The following CAMSAP1 variants were observed in gnomAD, a reference collection of about 807,000 sequenced individuals.
CAMSAP1 encodes the protein calmodulin regulated spectrin associated protein 1, also known as calmodulin-regulated spectrin-associated protein 1.
In CAMSAP1, 58 loss-of-function variants were observed where a neutral mutation model predicts 143.5. That is an observed-to-expected ratio of 0.40 (90% CI 0.33 to 0.50). CAMSAP1 has a LOEUF of 0.50. Ranked by LOEUF, CAMSAP1 falls within the 20% of genes least tolerant of loss-of-function variation. The pLI, the probability that CAMSAP1 is intolerant of heterozygous loss-of-function variation, is 0.45. For missense variants in CAMSAP1, 1,969 were observed against 2,115.7 expected, an observed-to-expected ratio of 0.93 and a Z score of 1.36; for synonymous variants, 945 against 859.3, an observed-to-expected ratio of 1.10 and a Z score of -1.74.
At chr9:135,846,896 G>A (rs572642649) in intron 7 of CAMSAP1, among the ~76,000 whole-genome samples, 6 of 152,132 alleles carry the variant, frequency 3.9e-5, no homozygotes, top group Non-Finnish European at 5.9e-5. Flanking sequence ...TGCTAGAGAG[G>A]ATATGGAGAA....
Position 135,818,632 on chromosome 9 carries a change from G to C in CAMSAP1, c.3960-16C>G, listed in dbSNP as rs754981194. 1 of 1,609,048 alleles carries C rather than the reference G, an allele frequency of 6.2e-7. No homozygotes were observed. Among genetic ancestry groups the C allele is most frequent in the African/African-American group, 1.3e-5 (1 of 74,860 alleles). ...AGCTTTGCGCCTGAGAGAAACACAC[G>C]CCCAGACACTGCTCGGTCACGGGGC... On this transcript the variant is annotated splice_polypyrimidine_tract_variant and intron_variant, in intron 12 of 16. Coordinates refer to ENST00000389532, the MANE Select transcript of CAMSAP1 (RefSeq NM_015447.4). The surrounding 1 kb of genome is among the most constrained non-coding windows in gnomAD (Gnocchi z 7.7).
At chr9:135,883,815 A>G (rs1018080899) in intron 1 of CAMSAP1, among the ~76,000 whole-genome samples, 3 of 152,228 alleles carry the variant, frequency 2.0e-5, no homozygotes, top group Non-Finnish European at 4.4e-5. Flanking sequence ...CAGAGAAAGT[A>G]AGTGCTCAAG....
At chr9:135,817,494 C>T (rs951867238) in intron 14 of CAMSAP1, among the ~76,000 whole-genome samples, 3 of 152,014 alleles carry the variant, frequency 2.0e-5, no homozygotes, top group Admixed American at 6.6e-5. Context: ...TGGGCTCAAG[C>T]GATACTACCA....
chr9:135,829,884 T>TAAATA (rs1835797705), intron 7 of CAMSAP1, among the ~76,000 whole-genome samples: 1 of 151,146 alleles, frequency 6.6e-6, no homozygotes, highest in Non-Finnish European at 1.5e-5. Context: ...AATAAATAAA[T>TAAATA]AAATAACAAT....
Position 135,818,411 on chromosome 9 carries a change from T to C in CAMSAP1, c.4165A>G (p.Thr1389Ala). Residue 1389 changes from threonine (T) to alanine (A), a missense_variant, in exon 13 of 17, where the codon ACC (threonine) becomes GCC (alanine). Physicochemically the swap from Thr to Ala is moderately conservative, Grantham distance 58. Transcript: ENST00000389532. This position sits in a 1 kb window ranked among gnomAD's most constrained non-coding sequence, Gnocchi z 7.7. ...CSDSGTKCSS[T>A]PDNLSRTQSG... ...CGTGAGGGCCGGGGCTGCTTACGGG[T>C]GGAGGAGCACTTGGTGCCGGAGTCG... is the stretch of plus-strand genomic sequence containing the variant. The C allele has an allele frequency of 6.3e-7, 1 of 1,577,184 alleles. No homozygotes were observed. Among genetic ancestry groups the C allele is most frequent in the Non-Finnish European group, 8.6e-7 (1 of 1,167,598 alleles).
At position 135,882,717 on chromosome 9, in the gene CAMSAP1, C is replaced by T. The variant is rs1007626907; in HGVS notation, c.423+99G>A. 90 of 1,397,498 alleles carry T rather than the reference C, an allele frequency of 6.4e-5. No homozygotes were observed. Among genetic ancestry groups the T allele is most frequent in the East Asian group, 2.5e-4 (10 of 39,882 alleles). The allele number at this position is 1,397,498 out of a possible 1,614,324, so 86.6% of individuals were successfully genotyped here. On this transcript the variant is annotated intron_variant, in intron 2 of 16. Transcript: ENST00000389532. This position sits in a 1 kb window ranked among gnomAD's most constrained non-coding sequence, Gnocchi z 4.9. ...AAAGCACGGGTCTCCACCACCTCGC[C>T]GCACACCGTGTTCACACCATCCATG...
rs151019432 is a variant in CAMSAP1 at position 135,880,145 on chromosome 9, G to A, written c.585+1488C>T. Among the ~76,000 whole-genome samples the A allele has an allele frequency of 1.9e-4, 29 of 152,198 alleles. 1 individual carries two copies. In the East Asian group the frequency reaches 4.8e-3, roughly 25 times the overall value. On this transcript the variant is annotated intron_variant, in intron 3 of 16. Coordinates refer to ENST00000389532, the MANE Select transcript of CAMSAP1 (RefSeq NM_015447.4). The stretch of plus-strand genomic sequence containing the variant: ...AATCAATAAAAGATATTAAAGAAAA[G>A]CTAAAATTTGACTTTTGATCACAGG...
Position 135,811,139 on chromosome 9 carries a change from T to G in CAMSAP1, c.*170A>C. 1.3e-6 allele frequency: 1 copy of G among 750,874 alleles called. No homozygotes were observed. The highest frequency in any genetic ancestry group is 2.9e-5 in the Admixed American group (1 of 33,916). The allele number at this position is 750,874 out of a possible 1,614,324, so 46.5% of individuals were successfully genotyped here. On this transcript the variant is annotated 3_prime_UTR_variant, in exon 17 of 17. Transcript: ENST00000389532. This position sits in a 1 kb window ranked among gnomAD's most constrained non-coding sequence, Gnocchi z 4.9. ...CGTGAGATGAGCGCTGAGAGAGGGG[T>G]TTTCTTCTGCTGTCTAGAAACCTCT...
At chr9:135,906,903 C>T in intron 1 of CAMSAP1, 97 bp downstream of exon 1, 1 of 733,366 alleles carries the variant, frequency 1.4e-6, no homozygotes, top group Non-Finnish European at 1.7e-6. Flanking sequence ...GGCACAAAGG[C>T]GCGGCGCGCG....
chr9:135,837,950 C>T (rs982293043), intron 7 of CAMSAP1, among the ~76,000 whole-genome samples: 4 of 150,164 alleles, frequency 2.7e-5, no homozygotes, highest in African/African-American at 9.8e-5. Context: ...CATCATCACA[C>T]GCTTTCTACC....
chr9:135,897,311 A>G (rs57083374), intron 1 of CAMSAP1, among the ~76,000 whole-genome samples: 6,312 of 150,130 alleles, frequency 0.042, 439 homozygotes, highest in African/African-American at 0.15. Flanking sequence ...CAGCCACCAC[A>G]CCCAGCTAAT....
chr9:135,861,382 G>A (rs186423416), intron 5 of CAMSAP1, among the ~76,000 whole-genome samples: 176 of 149,120 alleles, frequency 1.2e-3, no homozygotes, highest in African/African-American at 4.0e-3. Context: ...GTGCAATCTC[G>A]GCTCACCACA....
intron 1 of CAMSAP1, among the ~76,000 whole-genome samples, chr9:135,900,350 T>C (rs1341701035): frequency 6.6e-6 from 1 of 151,972 alleles, no homozygotes; most frequent in African/African-American, 2.4e-5. Context: ...TTTTGACTAG[T>C]TGAGTTTGAA....
At chr9:135,872,534 T>C (rs929930441) in intron 3 of CAMSAP1, among the ~76,000 whole-genome samples, 1 of 152,114 alleles carries the variant, frequency 6.6e-6, no homozygotes, top group Non-Finnish European at 1.5e-5. Context: ...GATAATCACA[T>C]TAAATGCAAT....
chr9:135,812,559 GA>G (rs1345377784), intron 16 of CAMSAP1, among the ~76,000 whole-genome samples: 2 of 152,084 alleles, frequency 1.3e-5, no homozygotes, highest in Admixed American at 6.5e-5. Context: ...TTATGAGGAT[GA>G]AAATGCTCTG....
chr9:135,816,296 C>T (rs112820851), intron 14 of CAMSAP1, among the ~76,000 whole-genome samples: 269 of 152,338 alleles, frequency 1.8e-3, no homozygotes, highest in African/African-American at 4.6e-3. Flanking sequence ...GCACTGCCCC[C>T]GTGAGCAGGG....
rs555001829 is a variant in CAMSAP1 at position 135,882,402 on chromosome 9, G to A, written c.423+414C>T. 6.6e-6 allele frequency among the ~76,000 whole-genome samples: 1 copy of A among 152,090 alleles called. No individual in the cohort carries two copies. Among genetic ancestry groups the A allele is most frequent in the African/African-American group, 2.4e-5 (1 of 41,416 alleles). On this transcript the variant is annotated intron_variant, in intron 2 of 16. Transcript: ENST00000389532. The surrounding 1 kb of genome is among the most constrained non-coding windows in gnomAD (Gnocchi z 4.9). Reference sequence around the variant, plus strand: ...CTGGAAAAGGCACACCAGTAGCAAGGCTTCAGAGAAAGATGGGGGTGGGAT... The same window carrying A: ...CTGGAAAAGGCACACCAGTAGCAAGACTTCAGAGAAAGATGGGGGTGGGAT...
In CAMSAP1 at chr9:135,862,555, C is replaced by T. The variant is rs1473070510; in HGVS notation, c.720G>A (p.Leu240=). 1 of 1,551,638 alleles carries T rather than the reference C, an allele frequency of 6.4e-7. No homozygotes were observed. Among genetic ancestry groups the T allele is most frequent in the East Asian group, 2.4e-5 (1 of 40,936 alleles). Residue 240 remains leucine (L), a synonymous_variant, in exon 5 of 17, where the codon TTG becomes TTA. Coordinates refer to ENST00000389532, the MANE Select transcript of CAMSAP1 (RefSeq NM_015447.4). The stretch of plus-strand genomic sequence containing the variant: ...TGCCGTCTCTCATCAAATCCTCCAA[C>T]AACGGGAAGTAGGGTGACTGCCTAG... ...LSARQSPYFP[L]LEDLMRDGSD...
At chr9:135,889,727 C>A (rs1399388716) in intron 1 of CAMSAP1, among the ~76,000 whole-genome samples, 2 of 152,226 alleles carry the variant, frequency 1.3e-5, no homozygotes, top group Non-Finnish European at 2.9e-5. Flanking sequence ...CCTCCTCCTT[C>A]CCCTGAGCTC....
Sources: allele counts gnomAD v4.1 joint callset (sites outside exome capture counted in the v4.1 genomes callset), GRCh38; gene constraint gnomAD v4.1.1; non-coding constraint Gnocchi (gnomAD v3.1); transcripts MANE v1.5; gene names NCBI Gene and HGNC (gene_info 2026-07-23, HGNC 2026-07-21).